GABRG3: variants seen among roughly 807,000 people sequenced by gnomAD.
The protein encoded by GABRG3 is gamma-aminobutyric acid type A receptor subunit gamma3.
In GABRG3, 25 loss-of-function variants were observed where a neutral mutation model predicts 48.8. That is an observed-to-expected ratio of 0.51 (90% CI 0.37 to 0.72). The LOEUF (loss-of-function observed/expected upper bound fraction) is 0.72, where lower values mean the gene tolerates loss of function less well. GABRG3 is among the 30% of genes least tolerant of loss of function. The probability of loss-of-function intolerance (pLI) is 0.00; values close to 1 mark genes in which losing one functional copy is unlikely to be tolerated. For synonymous variants in GABRG3, 227 were observed against 217.6 expected (o/e 1.04, Z -0.38); for missense variants, 394 against 577.9 (o/e 0.68, Z 3.26).
intron 3 of GABRG3, among the ~76,000 whole-genome samples, chr15:27,267,952 T>TA (rs909876200): frequency 6.6e-6 from 1 of 152,168 alleles, no homozygotes; most frequent in South Asian, 2.1e-4. Context: ...ATACTATTTT[T>TA]AAAAAAATTG....
intron 3 of GABRG3, among the ~76,000 whole-genome samples, chr15:27,126,369 G>A (rs1332966028): frequency 6.6e-6 from 1 of 152,206 alleles, no homozygotes; most frequent in Non-Finnish European, 1.5e-5. Context: ...CTGACTTGGT[G>A]AATCCACCGT....
chr15:27,121,201 G>C (rs913639679), intron 3 of GABRG3, among the ~76,000 whole-genome samples: 10 of 152,268 alleles, frequency 6.6e-5, no homozygotes, highest in Admixed American at 5.9e-4. Context: ...TCAAATGTCT[G>C]GTTATTCTGG....
chr15:27,167,432 A>T (rs142088894), intron 3 of GABRG3, among the ~76,000 whole-genome samples: 1 of 152,144 alleles, frequency 6.6e-6, no homozygotes, highest in African/African-American at 2.4e-5. Context: ...TAAAACCAAG[A>T]TGTCCTGGCT....
intron 5 of GABRG3, among the ~76,000 whole-genome samples, chr15:27,460,172 G>T (rs1054939325): frequency 6.6e-6 from 1 of 152,200 alleles, no homozygotes; most frequent in Non-Finnish European, 1.5e-5. Context: ...CATCACAGTT[G>T]TTAATATTTT....
intron 2 of GABRG3, among the ~76,000 whole-genome samples, chr15:26,997,570 A>G (rs1310684381): frequency 1.3e-5 from 2 of 152,170 alleles, no homozygotes; most frequent in Admixed American, 6.5e-5. Flanking sequence ...CAGAGAAGGC[A>G]ACTTCAGATG....
At chr15:27,443,710 C>G (rs1888859047) in intron 5 of GABRG3, among the ~76,000 whole-genome samples, 1 of 152,078 alleles carries the variant, frequency 6.6e-6, no homozygotes. Context: ...GAGAAGATAT[C>G]CTTCTCTTAT....
chr15:27,456,605 G>C (rs972114932), intron 5 of GABRG3, among the ~76,000 whole-genome samples: 2 of 152,146 alleles, frequency 1.3e-5, no homozygotes, highest in Non-Finnish European at 2.9e-5. Context: ...CCCCTCCCAC[G>C]GACAAAGGAA....
chr15:27,472,381 T>C (rs541137494), intron 5 of GABRG3, among the ~76,000 whole-genome samples: 1 of 152,290 alleles, frequency 6.6e-6, no homozygotes, highest in South Asian at 2.1e-4. Flanking sequence ...GTTCAAGCGA[T>C]TCTCCAGCCT....
intron 6 of GABRG3, among the ~76,000 whole-genome samples, chr15:27,511,216 T>C (rs1890887703): frequency 6.6e-6 from 1 of 152,236 alleles, no homozygotes; most frequent in South Asian, 2.1e-4. Flanking sequence ...TTATCTACAA[T>C]TCTTTTGTAA....
At chr15:27,056,980 CA>C (rs1896559741) in intron 3 of GABRG3, among the ~76,000 whole-genome samples, 1 of 152,118 alleles carries the variant, frequency 6.6e-6, no homozygotes, top group African/African-American at 2.4e-5. Context: ...TCCTCTTGTT[CA>C]GACTCTATAC....
chr15:27,238,729 G>A (rs781407250), intron 3 of GABRG3, among the ~76,000 whole-genome samples: 8 of 152,052 alleles, frequency 5.3e-5, no homozygotes, highest in African/African-American at 1.4e-4. Flanking sequence ...GGATATTTTC[G>A]AACTTTTCAG....
At chr15:27,381,297 T>A (rs1322748558) in intron 5 of GABRG3, among the ~76,000 whole-genome samples, 2 of 152,226 alleles carry the variant, frequency 1.3e-5, no homozygotes, top group Non-Finnish European at 2.9e-5. Flanking sequence ...AAGAACAGAA[T>A]GCTCTCGGCA....
intron 3 of GABRG3, among the ~76,000 whole-genome samples, chr15:27,038,729 C>T (rs1009224740): frequency 3.9e-5 from 6 of 152,164 alleles, no homozygotes; most frequent in African/African-American, 1.2e-4. Context: ...CTCAGGGGTG[C>T]AGGGAGCCCC....
At chr15:27,072,396 A>C (rs1566927352) in intron 3 of GABRG3, among the ~76,000 whole-genome samples, 1 of 151,288 alleles carries the variant, frequency 6.6e-6, no homozygotes, top group African/African-American at 2.4e-5. Context: ...TTTTTCCTTC[A>C]TTCCTAACCA....
intron 3 of GABRG3, among the ~76,000 whole-genome samples, chr15:27,175,897 G>T (rs1392842693): frequency 1.3e-5 from 2 of 152,146 alleles, no homozygotes; most frequent in African/African-American, 4.8e-5. Context: ...AGCCTCCTCA[G>T]AGAGGCCTGG....
At chr15:27,249,519 C>A (rs1196121290) in intron 3 of GABRG3, among the ~76,000 whole-genome samples, 45 of 152,128 alleles carry the variant, frequency 3.0e-4, no homozygotes, top group Admixed American at 2.9e-3. Flanking sequence ...GCAGCTGCCC[C>A]CGGTTACGAC....
At chr15:27,022,954 C>T (rs577258190) in intron 2 of GABRG3, among the ~76,000 whole-genome samples, 12 of 152,296 alleles carry the variant, frequency 7.9e-5, no homozygotes, top group East Asian at 1.9e-4. Context: ...AATCCATCAA[C>T]GGAGCAAATG....
chr15:27,330,697 A>T (rs1456156251), intron 5 of GABRG3, among the ~76,000 whole-genome samples: 1 of 152,256 alleles, frequency 6.6e-6, no homozygotes, highest in Non-Finnish European at 1.5e-5. Context: ...AAATTCTTAA[A>T]GACAATTCAC....
intron 2 of GABRG3, among the ~76,000 whole-genome samples, chr15:27,008,738 A>G (rs1170463259): frequency 2.6e-5 from 4 of 152,058 alleles, no homozygotes; most frequent in Non-Finnish European, 5.9e-5. Context: ...AGGAGAGAAT[A>G]TTAATCCGGT....
Sources: gnomAD v4.1 joint callset for allele counts (sites outside exome capture counted in the v4.1 genomes callset) on GRCh38, gnomAD v4.1.1 for gene constraint, MANE v1.5 for transcripts, NCBI Gene and HGNC (gene_info 2026-07-23, HGNC 2026-07-21) for gene names.